ROBO2: variants seen among roughly 807,000 people sequenced by gnomAD.
ROBO2 encodes roundabout guidance receptor 2.
Under a neutral mutation model 160.8 loss-of-function variants are expected in ROBO2, and 53 were observed. The ratio of observed to expected loss-of-function variants is 0.33; its 90% CI spans 0.26 to 0.41. The LOEUF (loss-of-function observed/expected upper bound fraction) is 0.41. Ranked by LOEUF, ROBO2 falls within the 10% of genes least tolerant of loss-of-function variation. The pLI is 1.00. For synonymous variants in ROBO2, 664 were observed against 611.7 expected (o/e 1.09, Z -1.26); for missense variants, 1,577 against 1,722.4 (o/e 0.92, Z 1.49).
At chr3:77,619,796 T>C (rs1246294351) in intron 22 of ROBO2, among the ~76,000 whole-genome samples, 1 of 152,178 alleles carries the variant, frequency 6.6e-6, no homozygotes, top group Non-Finnish European at 1.5e-5. Flanking sequence ...TCTAAGGGCT[T>C]ACAGATTACC....
At chr3:76,580,343 T>TTTTTTTTTTTTTTTTTTTTTTTTTG (rs2085610198) in intron 2 of ROBO2, among the ~76,000 whole-genome samples, 3 of 7,294 alleles carry the variant, frequency 4.1e-4, no homozygotes, top group Admixed American at 2.5e-3. Context: ...TTTTTTTGTG[T>TTTTTTTTTTTTTTTTTTTTTTTTTG]TTTTTTTTTT....
intron 2 of ROBO2, among the ~76,000 whole-genome samples, chr3:76,033,823 A>T (rs1333148349): frequency 6.6e-6 from 1 of 152,122 alleles, no homozygotes; most frequent in Non-Finnish European, 1.5e-5. Flanking sequence ...GGTCTCTTCC[A>T]TGTAGATTGT....
intron 2 of ROBO2, among the ~76,000 whole-genome samples, chr3:76,272,305 G>T (rs1005217373): frequency 4.6e-5 from 7 of 151,986 alleles, no homozygotes; most frequent in African/African-American, 1.7e-4. Context: ...ATATAGGTGA[G>T]GAAAGAAGAG....
intron 2 of ROBO2, among the ~76,000 whole-genome samples, chr3:76,543,909 T>G (rs1002729323): frequency 9.2e-5 from 14 of 152,044 alleles, no homozygotes; most frequent in Non-Finnish European, 1.9e-4. Flanking sequence ...ATAAAATATT[T>G]TATGCTCCTC....
At chr3:77,568,222 T>C in intron 12 of ROBO2, 91 bp from the exon 14 acceptor site, 1 of 1,466,978 alleles carries the variant, frequency 6.8e-7, no homozygotes, top group South Asian at 1.2e-5. Flanking sequence ...CTGTAATTAG[T>C]TCTAAAGACA....
intron 1 of ROBO2, among the ~76,000 whole-genome samples, chr3:75,908,226 A>G (rs752675836): frequency 1.3e-5 from 2 of 152,142 alleles, no homozygotes; most frequent in Non-Finnish European, 2.9e-5. Context: ...ATTCTCTTTT[A>G]GGATCCAATG....
chr3:77,540,423 C>T (rs760478072), intron 6 of ROBO2, among the ~76,000 whole-genome samples: 14 of 152,030 alleles, frequency 9.2e-5, no homozygotes, highest in Non-Finnish European at 1.5e-4. Flanking sequence ...CTGTGGCATT[C>T]GAATAAGCCA....
At chr3:76,929,965 T>G (rs1363334537) in intron 2 of ROBO2, among the ~76,000 whole-genome samples, 1 of 152,242 alleles carries the variant, frequency 6.6e-6, no homozygotes, top group Non-Finnish European at 1.5e-5. Context: ...GGCTATTTAC[T>G]GTTCTTTATA....
At chr3:76,821,272 A>C (rs2066098945) in intron 2 of ROBO2, among the ~76,000 whole-genome samples, 1 of 152,026 alleles carries the variant, frequency 6.6e-6, no homozygotes, top group Non-Finnish European at 1.5e-5. Context: ...TTAGTTAAGC[A>C]CATGCCTTTT....
chr3:76,096,114 C>T (rs2069442507), intron 2 of ROBO2, among the ~76,000 whole-genome samples: 1 of 152,102 alleles, frequency 6.6e-6, no homozygotes, highest in Admixed American at 6.6e-5. Flanking sequence ...CTCATGTGTG[C>T]AGTGCATGTC....
chr3:76,528,428 T>C (rs2082056144), intron 2 of ROBO2, among the ~76,000 whole-genome samples: 1 of 152,014 alleles, frequency 6.6e-6, no homozygotes, highest in Non-Finnish European at 1.5e-5. Context: ...TGAATATATA[T>C]AATAGACCCT....
chr3:77,145,872 G>C (rs751123375), intron 2 of ROBO2, among the ~76,000 whole-genome samples: 6 of 152,150 alleles, frequency 3.9e-5, no homozygotes, highest in East Asian at 1.9e-4. Flanking sequence ...ATTGCTGTTT[G>C]TTGGTTGAAC....
chr3:77,641,369 A>C (rs1382291893), intron 24 of ROBO2, among the ~76,000 whole-genome samples: 1 of 152,218 alleles, frequency 6.6e-6, no homozygotes, highest in Non-Finnish European at 1.5e-5. Context: ...GATTAGTATC[A>C]CTTTGCTCAT....
chr3:77,339,815 AT>A (rs1014079566), intron 2 of ROBO2, among the ~76,000 whole-genome samples: 6 of 151,988 alleles, frequency 3.9e-5, no homozygotes, highest in Admixed American at 6.6e-5. Context: ...ATTTCATAGG[AT>A]TTTTTTCCCC....
intron 1 of ROBO2, among the ~76,000 whole-genome samples, chr3:75,916,368 G>A (rs1247197047): frequency 2.0e-5 from 3 of 151,914 alleles, no homozygotes; most frequent in Non-Finnish European, 4.4e-5. Context: ...TTATTTCGGG[G>A]GGATCACTAT....
At chr3:76,499,160 T>C (rs1308739248) in intron 2 of ROBO2, among the ~76,000 whole-genome samples, 1 of 152,162 alleles carries the variant, frequency 6.6e-6, no homozygotes, top group Non-Finnish European at 1.5e-5. Flanking sequence ...CTCATGACCT[T>C]ATTGGAGGGA....
chr3:76,592,638 C>T (rs1483976798), intron 2 of ROBO2, among the ~76,000 whole-genome samples: 1 of 152,050 alleles, frequency 6.6e-6, no homozygotes, highest in South Asian at 2.1e-4. Flanking sequence ...CAAATTACTA[C>T]CAAATTAGTG....
chr3:76,338,074 A>G (rs1007319866), intron 2 of ROBO2, among the ~76,000 whole-genome samples: 1 of 152,174 alleles, frequency 6.6e-6, no homozygotes, highest in Non-Finnish European at 1.5e-5. Flanking sequence ...AATATTTGAC[A>G]TAGGGGGAAA....
chr3:77,169,133 A>G (rs1448667630), intron 2 of ROBO2, among the ~76,000 whole-genome samples: 2 of 152,188 alleles, frequency 1.3e-5, no homozygotes, highest in African/African-American at 4.8e-5. Context: ...GCTCCTAAGG[A>G]CATGTGAATA....
Sources: allele counts gnomAD v4.1 joint callset (sites outside exome capture counted in the v4.1 genomes callset), GRCh38; gene constraint gnomAD v4.1.1; transcripts MANE v1.5; gene names NCBI Gene and HGNC (gene_info 2026-07-23, HGNC 2026-07-21).